ZNF804B: variants seen among roughly 807,000 people sequenced by gnomAD.
ZNF804B encodes the protein zinc finger 804B.
In ZNF804B, 80 loss-of-function variants were observed where a neutral mutation model predicts 101.4. That is an observed-to-expected ratio of 0.79 (90% CI 0.66 to 0.95). ZNF804B has a LOEUF of 0.95. Among genes scored for constraint, ZNF804B ranks in the 40% least tolerant of loss-of-function variants. ZNF804B has a pLI of 0.00. For missense variants in ZNF804B, 1,673 were observed against 1,561.9 expected (o/e 1.07, Z -1.20); for synonymous variants, 622 against 558.8 (o/e 1.11, Z -1.59).
chr7:89,252,915 G>A (rs1789564212), intron 2 of ZNF804B, among the ~76,000 whole-genome samples: 1 of 152,044 alleles, frequency 6.6e-6, no homozygotes, highest in African/African-American at 2.4e-5. Context: ...AAAACTATTG[G>A]TTACTATGCT....
chr7:89,286,001 C>G (rs772378038), intron 2 of ZNF804B, among the ~76,000 whole-genome samples: 7 of 152,118 alleles, frequency 4.6e-5, no homozygotes, highest in Non-Finnish European at 8.8e-5. Flanking sequence ...TTAATGAACA[C>G]TTTTTCTGGA....
intron 2 of ZNF804B, among the ~76,000 whole-genome samples, chr7:89,272,529 A>G (rs912654398): frequency 4.6e-5 from 7 of 152,116 alleles, no homozygotes; most frequent in African/African-American, 1.4e-4. Context: ...ATCAAAACAA[A>G]GGTAATTGAA....
intron 1 of ZNF804B, among the ~76,000 whole-genome samples, chr7:89,106,054 T>C (rs1397978197): frequency 6.6e-6 from 1 of 152,150 alleles, no homozygotes; most frequent in Non-Finnish European, 1.5e-5. Context: ...TGTTCAGCTC[T>C]CTGGAAGATC....
chr7:88,945,815 G>A (rs990950259), intron 1 of ZNF804B, among the ~76,000 whole-genome samples: 8 of 152,066 alleles, frequency 5.3e-5, no homozygotes, highest in Non-Finnish European at 8.8e-5. Flanking sequence ...TCCCTTGTAA[G>A]TTGTATTCCT....
At chr7:89,039,515 A>T (rs954585702) in intron 1 of ZNF804B, among the ~76,000 whole-genome samples, 17 of 152,108 alleles carry the variant, frequency 1.1e-4, no homozygotes, top group Non-Finnish European at 2.5e-4. Context: ...ATTACATGCT[A>T]CTAATTCATA....
chr7:89,084,644 G>T (rs1264149742), intron 1 of ZNF804B, among the ~76,000 whole-genome samples: 1 of 151,806 alleles, frequency 6.6e-6, no homozygotes, highest in Non-Finnish European at 1.5e-5. Flanking sequence ...AACAAGGTCA[G>T]GTATGAAGGA....
intron 1 of ZNF804B, among the ~76,000 whole-genome samples, chr7:89,009,637 C>T (rs1479982444): frequency 6.6e-6 from 1 of 152,134 alleles, no homozygotes; most frequent in Non-Finnish European, 1.5e-5. Flanking sequence ...TGAGTTAGAT[C>T]AGTGCCCTTA....
intron 1 of ZNF804B, among the ~76,000 whole-genome samples, chr7:89,216,369 G>A (rs745932248): frequency 6.7e-6 from 1 of 150,320 alleles, no homozygotes; most frequent in East Asian, 1.9e-4. Context: ...TTGATTCTAA[G>A]TCTACTAAAT....
rs138753791 is a variant in ZNF804B, at chr7:88,880,849, C to G, written c.108+120765C>G. On this transcript the variant is annotated intron_variant, in intron 1 of 3. Transcript: ENST00000333190. ...TTCCTTTCATGTATGAATATTTGTA[C>G]TGTTCTAACATCTATTACCTTAATT... Among the ~76,000 whole-genome samples the G allele has an allele frequency of 6.5e-3, 996 of 152,120 alleles. 5 individuals carry two copies. The highest frequency in any genetic ancestry group is 0.01 in the Middle Eastern group (3 of 292).
At chr7:88,982,756 C>T (rs551633083) in intron 1 of ZNF804B, among the ~76,000 whole-genome samples, 1 of 151,992 alleles carries the variant, frequency 6.6e-6, no homozygotes, top group Non-Finnish European at 1.5e-5. Context: ...AGTATTCAAC[C>T]TATATCACCC....
rs554885460 is a variant in ZNF804B at position 89,270,331 on chromosome 7, C to T, written c.249+52036C>T. ...CATTTATTAAATAGGGAATCCTTTC[C>T]TCATTTCTTGTTTTTGTCAGGTTTG... On this transcript the variant is annotated intron_variant, in intron 2 of 3. Coordinates refer to ENST00000333190, the MANE Select transcript of ZNF804B (RefSeq NM_181646.5). Among the ~76,000 whole-genome samples the T allele has an allele frequency of 2.0e-5, 3 of 152,274 alleles. No homozygotes were observed. In the East Asian group the frequency reaches 5.8e-4, roughly 29 times the overall value.
At chr7:89,290,662 A>AG (rs1790275260) in intron 2 of ZNF804B, among the ~76,000 whole-genome samples, 1 of 152,112 alleles carries the variant, frequency 6.6e-6, no homozygotes, top group African/African-American at 2.4e-5. Context: ...GAGAGGTAAA[A>AG]GGGGGAAGGA....
chr7:89,191,186 A>G (rs1323420166), intron 1 of ZNF804B, among the ~76,000 whole-genome samples: 1 of 152,202 alleles, frequency 6.6e-6, no homozygotes, highest in African/African-American at 2.4e-5. Context: ...GTCTTCAAGA[A>G]CAACATAAAT....
At chr7:88,793,595 G>A (rs191300810) in intron 1 of ZNF804B, among the ~76,000 whole-genome samples, 2 of 152,148 alleles carry the variant, frequency 1.3e-5, no homozygotes, top group Non-Finnish European at 2.9e-5. Context: ...TCAATAATTA[G>A]ATTTTGTTTT....
chr7:89,313,546 A>T (rs1790675904), intron 2 of ZNF804B, among the ~76,000 whole-genome samples: 1 of 152,208 alleles, frequency 6.6e-6, no homozygotes, highest in Non-Finnish European at 1.5e-5. Flanking sequence ...ATAGAGACTT[A>T]CTGGCCTGAT....
At chr7:89,308,228 T>C (rs556910031) in intron 2 of ZNF804B, among the ~76,000 whole-genome samples, 1 of 152,280 alleles carries the variant, frequency 6.6e-6, no homozygotes, top group South Asian at 2.1e-4. Flanking sequence ...GAAAAGACGA[T>C]GAATCTCTCA....
At chr7:89,063,042 A>T (rs548216518) in intron 1 of ZNF804B, among the ~76,000 whole-genome samples, 14 of 152,074 alleles carry the variant, frequency 9.2e-5, no homozygotes, top group Non-Finnish European at 1.9e-4. Flanking sequence ...TTATTTCATG[A>T]TTGTTGTAAG....
intron 2 of ZNF804B, among the ~76,000 whole-genome samples, chr7:89,233,942 G>A (rs930694037): frequency 2.6e-5 from 4 of 152,162 alleles, no homozygotes; most frequent in Non-Finnish European, 2.9e-5. Context: ...TTAAGAAGTA[G>A]TTTTGTGTCT....
chr7:89,198,601 A>G (rs927975682), intron 1 of ZNF804B, among the ~76,000 whole-genome samples: 1 of 151,990 alleles, frequency 6.6e-6, no homozygotes, highest in African/African-American at 2.4e-5. Context: ...AAAAGTTAAT[A>G]CATGTAATTA....
Sources: allele counts gnomAD v4.1 joint callset (sites outside exome capture counted in the v4.1 genomes callset), GRCh38; gene constraint gnomAD v4.1.1; transcripts MANE v1.5; gene names NCBI Gene and HGNC (gene_info 2026-07-23, HGNC 2026-07-21).